PTPRQ: variants seen among roughly 807,000 people sequenced by gnomAD.
PTPRQ encodes the protein phosphatidylinositol phosphatase PTPRQ.
In PTPRQ, 199 loss-of-function variants were observed where a neutral mutation model predicts 246.0. That is an observed-to-expected ratio of 0.81 (90% CI 0.72 to 0.91). PTPRQ has a LOEUF of 0.91. Ranked by LOEUF, PTPRQ falls within the 40% of genes least tolerant of loss-of-function variation. PTPRQ has a pLI of 0.00. For synonymous variants in PTPRQ, 869 were observed against 853.2 expected (o/e 1.02, Z -0.32); for missense variants, 2,624 against 2,528.4 (o/e 1.04, Z -0.81).
intron 39 of PTPRQ, among the ~76,000 whole-genome samples, chr12:80,660,444 A>G (rs1900590659): frequency 6.6e-6 from 1 of 152,020 alleles, no homozygotes; most frequent in South Asian, 2.1e-4. Flanking sequence ...TGAAGGATAG[A>G]CTGTGAAAGA....
chr12:80,541,349 G>A (rs1896145303), intron 20 of PTPRQ, among the ~76,000 whole-genome samples: 1 of 151,982 alleles, frequency 6.6e-6, no homozygotes, highest in Admixed American at 6.6e-5. Flanking sequence ...ACATATTAAA[G>A]ATGACAGAGT....
At position 80,506,612 on chromosome 12, in the gene PTPRQ, T is replaced by C. The variant is rs1203224494; in HGVS notation, c.2499T>C (p.Ser833=). Residue 833 remains serine, a synonymous_variant, in exon 16 of 45, where the codon AGT becomes AGC. Coordinates refer to ENST00000644991, the MANE Select transcript of PTPRQ (RefSeq NM_001145026.2). ...AATATATCATTGAGGTGTCTGCTAG[T>C]ACACTCAAAGGTGAAGGAGTTCGGA... ...YTQYIIEVSA[S]TLKGEGVRSA... 1 of 1,543,344 alleles carries C rather than the reference T, an allele frequency of 6.5e-7. No homozygotes were observed. The highest frequency in any genetic ancestry group is 1.2e-5 in the South Asian group (1 of 83,356).
chr12:80,616,879 A>G (rs1448881026), intron 30 of PTPRQ, among the ~76,000 whole-genome samples: 1 of 151,138 alleles, frequency 6.6e-6, no homozygotes, highest in African/African-American at 2.4e-5. Flanking sequence ...GGCCATTCGA[A>G]TGATCACGGT....
chr12:80,450,355 T>A (rs944359154), intron 3 of PTPRQ, among the ~76,000 whole-genome samples: 1 of 152,178 alleles, frequency 6.6e-6, no homozygotes, highest in African/African-American at 2.4e-5. Flanking sequence ...TTTTCCTAAT[T>A]GAATACCCTT....
chr12:80,494,125 T>TA (rs891077938), intron 10 of PTPRQ, among the ~76,000 whole-genome samples: 204 of 151,710 alleles, frequency 1.3e-3, no homozygotes, highest in East Asian at 8.9e-3. Flanking sequence ...GTAGAATTAG[T>TA]AAAAAAAAAT....
chr12:80,625,273 G>A (rs2121147557), intron 33 of PTPRQ, among the ~76,000 whole-genome samples: 2 of 152,198 alleles, frequency 1.3e-5, no homozygotes, highest in Middle Eastern at 6.8e-3. Context: ...ATCATTTGCA[G>A]CAGGCTAGGG....
rs191006598 is a variant in PTPRQ at position 80,644,803 on chromosome 12, C to A, written c.5916-4094C>A. Among the ~76,000 whole-genome samples the A allele has an allele frequency of 1.7e-3, 260 of 151,958 alleles. 1 individual carries two copies. The highest frequency in any genetic ancestry group is 3.4e-3 in the Middle Eastern group (1 of 294). ...AAGAAAAATACAATTTAGAATGTAG[C>A]CAACACCTAAGGGAGAAATACACCT... On this transcript the variant is annotated intron_variant, in intron 35 of 44. Coordinates refer to ENST00000644991, the MANE Select transcript of PTPRQ (RefSeq NM_001145026.2).
At chr12:80,558,950 G>A (rs548992314) in intron 25 of PTPRQ, among the ~76,000 whole-genome samples, 1 of 152,280 alleles carries the variant, frequency 6.6e-6, no homozygotes, top group Non-Finnish European at 1.5e-5. Flanking sequence ...TTATTGTTGA[G>A]TTTGGGGACA....
chr12:80,586,397 C>G (rs913748042), intron 25 of PTPRQ, among the ~76,000 whole-genome samples: 2 of 151,120 alleles, frequency 1.3e-5, no homozygotes, highest in East Asian at 3.9e-4. Context: ...CAGGAAACAA[C>G]AGGTGCTGGA....
chr12:80,465,044 CA>C (rs1180832073), intron 6 of PTPRQ: 3 of 112,902 alleles, frequency 2.7e-5, no homozygotes, highest in Admixed American at 9.8e-5. Flanking sequence ...AAAAACCCTT[CA>C]AAAAATTAAT....
At chr12:80,591,885 A>G (rs1565806230) in intron 26 of PTPRQ, among the ~76,000 whole-genome samples, 1 of 152,190 alleles carries the variant, frequency 6.6e-6, no homozygotes, top group Non-Finnish European at 1.5e-5. Context: ...TGAGCCAGGA[A>G]GTGAACTTTT....
At position 80,607,844 on chromosome 12, in the gene PTPRQ, A is replaced by T. The variant is rs576651857; in HGVS notation, c.4732-2595A>T. On this transcript the variant is annotated intron_variant, in intron 27 of 44. Transcript: ENST00000644991. ...TAGGATCATTTTCATTGTTCCTTTT[A>T]CTCTTTGACTGAACAAATTGTTATG... 9.7e-4 allele frequency among the ~76,000 whole-genome samples: 147 copies of T among 150,842 alleles called. 1 individual carries two copies. Among genetic ancestry groups the T allele is most frequent in the South Asian group, 3.7e-3 (18 of 4,820 alleles).
chr12:80,663,555 A>G (rs1309935980), intron 39 of PTPRQ, among the ~76,000 whole-genome samples: 1 of 151,906 alleles, frequency 6.6e-6, no homozygotes, highest in Non-Finnish European at 1.5e-5. Context: ...TTGGAAGTTA[A>G]TTACCATCCC....
chr12:80,448,081 G>T (rs1039383073), intron 3 of PTPRQ, among the ~76,000 whole-genome samples: 7 of 151,934 alleles, frequency 4.6e-5, no homozygotes, highest in African/African-American at 1.7e-4. Context: ...GTGTCTTGTA[G>T]TTCTCCTTGT....
chr12:80,620,254 A>G lies in PTPRQ; in HGVS notation c.5490A>G (p.Glu1830=). ...GCTTTCCTAACCCTCCATGTACAGA[A>G]GGAAAGACAAAGTTTAGTGGCAATG... ...NEGFPNPPCT[E]GKTKFSGNEE... The change falls in exon 32 of 45, where the codon GAA becomes GAG. Residue 1830 remains glutamate (E), a synonymous_variant. Transcript: ENST00000644991. 6.5e-7 allele frequency: 1 copy of G among 1,549,618 alleles called. No homozygotes were observed. Among genetic ancestry groups the G allele is most frequent in the Non-Finnish European group, 8.7e-7 (1 of 1,145,562 alleles).
chr12:80,472,056 T>C (rs1258487650), intron 7 of PTPRQ, 49 bp from the exon 8 acceptor site: 3 of 1,548,782 alleles, frequency 1.9e-6, no homozygotes, highest in East Asian at 4.9e-5. Context: ...GTGAACATGA[T>C]TGCACGCTTG....
chr12:80,501,700 G>T (rs1894804406), intron 14 of PTPRQ, among the ~76,000 whole-genome samples: 6 of 151,922 alleles, frequency 3.9e-5, no homozygotes, highest in Admixed American at 3.9e-4. Flanking sequence ...GGACAAAGCA[G>T]AAGTCACTGG....
chr12:80,496,320 A>G lies in PTPRQ; in HGVS notation c.2061A>G (p.Ser687=). The part of the protein sequence containing the change: ...VTADEIRLKW[S]PPEKPNGIII... ...CAGATGAAATAAGGTTGAAGTGGTC[A>G]CCACCCGAAAAGCCCAATGGGATCA... Residue 687 remains serine, a synonymous_variant, in exon 14 of 45, where the codon TCA becomes TCG. Transcript: ENST00000644991. The G allele has an allele frequency of 6.4e-7, 1 of 1,550,828 alleles. No individual in the cohort carries two copies. Among genetic ancestry groups the G allele is most frequent in the South Asian group, 1.2e-5 (1 of 83,950 alleles).
At chr12:80,467,464 C>G (rs1176389827) in intron 6 of PTPRQ, among the ~76,000 whole-genome samples, 2 of 151,886 alleles carry the variant, frequency 1.3e-5, no homozygotes, top group Non-Finnish European at 2.9e-5. Flanking sequence ...CCTCAGGGAT[C>G]TAGAACTAGA....
Sources: gnomAD v4.1 joint callset for allele counts (sites outside exome capture counted in the v4.1 genomes callset) on GRCh38, gnomAD v4.1.1 for gene constraint, MANE v1.5 for transcripts, NCBI Gene and HGNC (gene_info 2026-07-23, HGNC 2026-07-21) for gene names.